PTPRD: variants seen among roughly 807,000 people sequenced by gnomAD.
PTPRD encodes the protein receptor-type tyrosine-protein phosphatase delta.
In PTPRD, 34 loss-of-function variants were observed where a neutral mutation model predicts 214.5. The observed-to-expected ratio is 0.16, with a 90% CI of 0.12 to 0.21. The LOEUF (loss-of-function observed/expected upper bound fraction) is 0.21, where lower values mean the gene tolerates loss of function less well. Ranked by LOEUF, PTPRD falls within the 10% of genes least tolerant of loss-of-function variation. The pLI is 1.00. For missense variants in PTPRD, 2,545 were observed against 2,398.7 expected, an observed-to-expected ratio of 1.06 and a Z score of -1.27; for synonymous variants, 1,128 against 845.7, an observed-to-expected ratio of 1.33 and a Z score of -5.79.
chr9:9,231,055 G>C (rs1224489827), intron 9 of PTPRD, among the ~76,000 whole-genome samples: 1 of 151,980 alleles, frequency 6.6e-6, no homozygotes, highest in African/African-American at 2.4e-5. Flanking sequence ...ATGTCTGTCG[G>C]GGGGAGGGGG....
chr9:8,994,100 T>C (rs2099387619), intron 11 of PTPRD, among the ~76,000 whole-genome samples: 1 of 152,102 alleles, frequency 6.6e-6, no homozygotes, highest in Non-Finnish European at 1.5e-5. Context: ...AGATGCTGAG[T>C]AGAACTAGAT....
At chr9:9,917,684 A>T (rs537652025) in intron 5 of PTPRD, among the ~76,000 whole-genome samples, 47 of 152,156 alleles carry the variant, frequency 3.1e-4, no homozygotes, top group Non-Finnish European at 5.9e-4. Context: ...AGAGACACAA[A>T]AGTCTTAAAC....
chr9:8,561,476 G>A (rs1199820377), intron 14 of PTPRD, among the ~76,000 whole-genome samples: 3 of 152,124 alleles, frequency 2.0e-5, no homozygotes, highest in African/African-American at 7.2e-5. Flanking sequence ...ACCCCCAAAT[G>A]TGAGTACAAA....
At position 8,342,965 on chromosome 9, in the gene PTPRD, T is replaced by C. The variant is rs1409104752; in HGVS notation, c.4662-987A>G. 2.6e-5 allele frequency among the ~76,000 whole-genome samples: 4 copies of C among 152,184 alleles called. 1 individual carries two copies. In the South Asian group the frequency reaches 6.2e-4, roughly 24 times the overall value. On this transcript the variant is annotated intron_variant, in intron 39 of 45. Coordinates refer to ENST00000381196, the MANE Select transcript of PTPRD (RefSeq NM_002839.4). ...GTAGTATGAACAAAGGACGGATGGC[T>C]TTGGTAATCACACTGCTGGCTCTGG... is the stretch of plus-strand genomic sequence containing the variant.
intron 5 of PTPRD, among the ~76,000 whole-genome samples, chr9:9,868,351 G>T (rs1012873968): frequency 2.0e-5 from 3 of 152,028 alleles, no homozygotes; most frequent in Non-Finnish European, 4.4e-5. Flanking sequence ...AGTCCAAAAT[G>T]CTTTTCTGGA....
chr9:10,204,123 C>G (rs2099451919), intron 3 of PTPRD, among the ~76,000 whole-genome samples: 1 of 152,134 alleles, frequency 6.6e-6, no homozygotes, highest in Admixed American at 6.5e-5. Context: ...GGTAACCTCT[C>G]CATGCTTTAA....
chr9:10,483,363 C>A (rs1438088957), intron 2 of PTPRD, among the ~76,000 whole-genome samples: 2 of 151,988 alleles, frequency 1.3e-5, no homozygotes, highest in African/African-American at 4.8e-5. Flanking sequence ...ATTCTGGATA[C>A]TGGCCTAGGC....
At chr9:9,289,757 C>G (rs2134027344) in intron 9 of PTPRD, among the ~76,000 whole-genome samples, 1 of 151,868 alleles carries the variant, frequency 6.6e-6, no homozygotes, top group Middle Eastern at 3.4e-3. Flanking sequence ...TAACGTCTCA[C>G]AGGTTCAACC....
At chr9:9,197,535 C>T (rs1166784600) in intron 9 of PTPRD, among the ~76,000 whole-genome samples, 6 of 152,120 alleles carry the variant, frequency 3.9e-5, no homozygotes, top group African/African-American at 1.4e-4. Flanking sequence ...CCCACCCTCT[C>T]GAGTAGCTGG....
chr9:9,027,702 G>T (rs1371538074), intron 10 of PTPRD, among the ~76,000 whole-genome samples: 1 of 151,714 alleles, frequency 6.6e-6, no homozygotes, highest in Non-Finnish European at 1.5e-5. Flanking sequence ...GTTGTAATGG[G>T]GAACACTCAG....
At chr9:9,412,098 T>C (rs561929543) in intron 8 of PTPRD, among the ~76,000 whole-genome samples, 12 of 152,370 alleles carry the variant, frequency 7.9e-5, no homozygotes, top group African/African-American at 2.9e-4. Context: ...CCAAATTTTA[T>C]GTAAAACTCA....
intron 12 of PTPRD, among the ~76,000 whole-genome samples, chr9:8,696,270 T>C (rs1360930805): frequency 6.6e-6 from 1 of 152,246 alleles, no homozygotes; most frequent in Non-Finnish European, 1.5e-5. Context: ...GGCAAGGCTC[T>C]TTCCCTTATC....
At chr9:8,522,151 T>C (rs868019457) in intron 19 of PTPRD, among the ~76,000 whole-genome samples, 14 of 152,296 alleles carry the variant, frequency 9.2e-5, no homozygotes, top group African/African-American at 3.4e-4. Flanking sequence ...TATATACATA[T>C]TGATTTACAG....
At chr9:9,091,387 T>C (rs185554437) in intron 10 of PTPRD, 5 of 666,910 alleles carry the variant, frequency 7.5e-6, no homozygotes, top group South Asian at 1.7e-5. Flanking sequence ...AATCACCTTA[T>C]GACTCTGGTT....
chr9:9,161,679 C>T (rs12003567), intron 10 of PTPRD, among the ~76,000 whole-genome samples: 26,692 of 151,904 alleles, frequency 0.18, 3,060 homozygotes, highest in African/African-American at 0.32. Context: ...CTTATGTCTC[C>T]TAGTGATAAA....
At chr9:8,836,982 T>C (rs1334862917) in intron 11 of PTPRD, among the ~76,000 whole-genome samples, 2 of 150,104 alleles carry the variant, frequency 1.3e-5, no homozygotes, top group Non-Finnish European at 1.5e-5. Context: ...CCCCCACCAT[T>C]TGGGGAAGAG....
chr9:9,923,146 G>GTGTGTA (rs1186084293), intron 5 of PTPRD, among the ~76,000 whole-genome samples: 88 of 151,396 alleles, frequency 5.8e-4, no homozygotes, highest in South Asian at 1.2e-3. Context: ...GTGTGTGTGT[G>GTGTGTA]TGTATGTACA....
intron 3 of PTPRD, among the ~76,000 whole-genome samples, chr9:10,050,154 T>C (rs2097501447): frequency 6.6e-6 from 1 of 151,936 alleles, no homozygotes; most frequent in African/African-American, 2.4e-5. Context: ...CCTGAGCAGA[T>C]CCCCAAGAAT....
chr9:9,356,515 T>C (rs914367305), intron 9 of PTPRD, among the ~76,000 whole-genome samples: 2 of 151,426 alleles, frequency 1.3e-5, no homozygotes, highest in Non-Finnish European at 3.0e-5. Flanking sequence ...TTTGCCACCA[T>C]TTGCAATAGA....
Sources: gnomAD v4.1 joint callset for allele counts (sites outside exome capture counted in the v4.1 genomes callset) on GRCh38, gnomAD v4.1.1 for gene constraint, MANE v1.5 for transcripts, NCBI Gene and HGNC (gene_info 2026-07-23, HGNC 2026-07-21) for gene names.